Variants in ATAD3B observed in about 807,000 individuals in gnomAD.
The protein encoded by ATAD3B is ATPase family AAA domain-containing protein 3B.
ATAD3B carries 59 observed loss-of-function variants against 70.2 expected under a neutral mutation model. The ratio of observed to expected loss-of-function variants is 0.84; its 90% CI spans 0.68 to 1.04. ATAD3B has a LOEUF of 1.04. Ranked by LOEUF, ATAD3B falls within the 50% of genes least tolerant of loss-of-function variation. The pLI, the probability that ATAD3B is intolerant of heterozygous loss-of-function variation, is 0.00. For missense variants in ATAD3B, 961 were observed against 913.4 expected, an observed-to-expected ratio of 1.05 and a Z score of -0.67; for synonymous variants, 423 against 388.6, an observed-to-expected ratio of 1.09 and a Z score of -1.04.
the ATAD3B span, among the ~76,000 whole-genome samples, chr1:1,506,102 G>A: frequency 6.6e-6 from 1 of 152,096 alleles, no homozygotes; most frequent in Non-Finnish European, 1.5e-5. Context: ...GCATGGTGGT[G>A]TGTGCCTGTA....
At position 1,489,615 on chromosome 1, in the gene ATAD3B, C is replaced by T. The variant is rs1426394039; in HGVS notation, c.1337+341C>T. The T allele has an allele frequency of 3.3e-5, 42 of 1,290,074 alleles. 1 individual carries two copies. The highest frequency in any genetic ancestry group is 3.2e-4 in the South Asian group (25 of 78,920). 79.9% of individuals were successfully genotyped at this position (1,290,074 alleles called of 1,614,324 possible). A position where few individuals can be genotyped will look rare whatever the true frequency, so the allele number is the denominator to read the frequency against. On this transcript the variant is annotated intron_variant, in intron 13 of 15. Transcript: ENST00000673477. ...GCCCAGAGGTCCCCAGTAGGGTGAC[C>T]GGCCCTATGTCCAGGCTCCCTCTTC... is the stretch of plus-strand genomic sequence containing the variant.
At chr1:1,499,784 G>C (rs933974113), downstream of ATAD3B, among the ~76,000 whole-genome samples, 3 of 150,638 alleles carry the variant, frequency 2.0e-5, no homozygotes, top group South Asian at 2.1e-4. Flanking sequence ...AGTAGAGATG[G>C]GGTTTCACCA....
At chr1:1,508,027 G>C in the ATAD3B span, among the ~76,000 whole-genome samples, 1 of 152,200 alleles carries the variant, frequency 6.6e-6, no homozygotes, top group Admixed American at 6.5e-5. Context: ...GCTTCCCAGA[G>C]GGGTGGCCCC....
rs1173386705 is a variant in ATAD3B at position 1,482,583 on chromosome 1, T to G, written c.719T>G (p.Phe240Cys). Residue 240 changes from phenylalanine to cysteine, a missense_variant, in exon 7 of 16, where the codon TTT becomes TGT. Physicochemically the swap from Phe to Cys is radical, Grantham distance 205. Around this residue, in one of 4 missense-constraint regions of ATAD3B, gnomAD observed 349 missense variants for 307.5 expected, o/e 1.14. Coordinates refer to ENST00000673477, the MANE Select transcript of ATAD3B (RefSeq NM_031921.6). ...GTLFGEGFRA[F>C]VTDRDKVTAT... ...TTGTTTGGGGAAGGATTCCGTGCCTTTGTGACAGACCGGGACAAAGTGACA... is the reference window on the plus strand; with the variant it reads ...TTGTTTGGGGAAGGATTCCGTGCCTGTGTGACAGACCGGGACAAAGTGACA... 1 of 1,613,320 alleles carries G rather than the reference T, an allele frequency of 6.2e-7. No individual in the cohort carries two copies. The highest frequency in any genetic ancestry group is 8.5e-7 in the Non-Finnish European group (1 of 1,179,516).
chr1:1,495,016 G>C (rs1640710185), intron 15 of ATAD3B, among the ~76,000 whole-genome samples: 1 of 152,104 alleles, frequency 6.6e-6, no homozygotes, highest in African/African-American at 2.4e-5. Context: ...CTGTGCCCAG[G>C]AGGACAGGGA....
intron 2 of ATAD3B, chr1:1,478,306 G>A: frequency 7.8e-6 from 8 of 1,022,174 alleles, no homozygotes; most frequent in Non-Finnish European, 1.1e-5. Flanking sequence ...CCACTCAGCA[G>A]GATTCCTAGA....
chr1:1,496,936 T>G lies in ATAD3B; in HGVS notation c.*1119T>G, dbSNP rs2100609401. ...GGAAACCTTTGCTTTGGGGGCAGGG[T>G]GGGGTGCAGGGGTGGTTGGGGGAAT... is the stretch of plus-strand genomic sequence containing the variant. On this transcript the variant is annotated 3_prime_UTR_variant, in exon 16 of 16. Transcript: ENST00000673477. The G allele has an allele frequency of 1.4e-5, 2 of 138,298 alleles. No individual in the cohort carries two copies. Among genetic ancestry groups the G allele is most frequent in the Non-Finnish European group, 3.0e-5 (2 of 67,196 alleles). The allele number at this position is 138,298 out of a possible 1,614,324, so 8.6% of individuals were successfully genotyped here.
intron 1 of ATAD3B, among the ~76,000 whole-genome samples, chr1:1,476,083 G>T (rs1161506977): frequency 1.4e-5 from 2 of 140,206 alleles, no homozygotes; most frequent in Non-Finnish European, 3.0e-5. Context: ...CCCGAGTTTA[G>T]CAGCCAAACC....
the ATAD3B span, chr1:1,509,342 C>G: frequency 2.4e-5 from 39 of 1,611,148 alleles, 1 homozygote; most frequent in African/African-American, 4.1e-5. Context: ...ACGAGCAACC[C>G]TCATCCTGAG....
chr1:1,478,566 G>C, intron 2 of ATAD3B, 78 bp from the exon 3 acceptor site: 1 of 1,550,698 alleles, frequency 6.4e-7, no homozygotes, highest in Non-Finnish European at 8.7e-7. Flanking sequence ...CCGTGCCGGA[G>C]CTGTGCAGAC....
Position 1,490,526 on chromosome 1 carries a change from C to T in ATAD3B, c.1506-37C>T, listed in dbSNP as rs377059279. ...CCTCCACCTCATGGTGTGGGGTCCGCGGCCTTGGCTGCCTCACTTGGGAAC... is the reference window on the plus strand; with the variant it reads ...CCTCCACCTCATGGTGTGGGGTCCGTGGCCTTGGCTGCCTCACTTGGGAAC... On this transcript the variant is annotated intron_variant, in intron 14 of 15. Transcript: ENST00000673477. 62 of 1,610,874 alleles carry T rather than the reference C, an allele frequency of 3.8e-5. 2 individuals carry two copies. Among genetic ancestry groups the T allele is most frequent in the East Asian group, 3.1e-4 (14 of 44,796 alleles).
chr1:1,509,457 G>A, the ATAD3B span: 1,066 of 1,586,404 alleles, frequency 6.7e-4, 64 homozygotes, highest in African/African-American at 0.013. Context: ...AAAGTCCCAC[G>A]GGGGCCGCAC....
chr1:1,491,898 G>A (rs1161707760), intron 15 of ATAD3B, among the ~76,000 whole-genome samples: 15 of 151,906 alleles, frequency 9.9e-5, no homozygotes, highest in Non-Finnish European at 1.9e-4. Context: ...CTCAGAAAGT[G>A]GAGGCTGGGT....
chr1:1,480,099 G>A (rs570365827), intron 4 of ATAD3B, among the ~76,000 whole-genome samples: 6 of 141,226 alleles, frequency 4.2e-5, no homozygotes, highest in East Asian at 4.4e-4. Context: ...GCACACCGCC[G>A]CAAACACACA....
chr1:1,490,887 G>C lies in ATAD3B; in HGVS notation c.1614+216G>C, dbSNP rs931665324. On this transcript the variant is annotated intron_variant, in intron 15 of 15. Coordinates refer to ENST00000673477, the MANE Select transcript of ATAD3B (RefSeq NM_031921.6). ...CCCTCAGGAGGGTGGGGCCATGTTG[G>C]TTGCTGACAGTCACACGGGGCTCTC... is the stretch of plus-strand genomic sequence containing the variant. Among the ~76,000 whole-genome samples the C allele has an allele frequency of 3.3e-5, 5 of 152,056 alleles. 1 individual carries two copies. The highest frequency in any genetic ancestry group is 6.6e-5 in the Admixed American group (1 of 15,246).
downstream of ATAD3B, among the ~76,000 whole-genome samples, chr1:1,500,101 T>C (rs1640912438): frequency 6.7e-6 from 1 of 149,824 alleles, no homozygotes; most frequent in African/African-American, 2.5e-5. Flanking sequence ...TTTCACCATG[T>C]TACCAAGGCT....
chr1:1,482,621 A>T lies in ATAD3B; in HGVS notation c.750+7A>T. ...GGACAAAGTGACAGCCACGGTAAAC[A>T]TATTCATAAAACAGGGCTGGCAGGT... On this transcript the variant is annotated splice_region_variant and intron_variant, in intron 7 of 15. Coordinates refer to ENST00000673477, the MANE Select transcript of ATAD3B (RefSeq NM_031921.6). 1 of 1,613,358 alleles carries T rather than the reference A, an allele frequency of 6.2e-7. No homozygotes were observed. The highest frequency in any genetic ancestry group is 8.5e-7 in the Non-Finnish European group (1 of 1,179,574).
In ATAD3B at chr1:1,472,066, C is replaced by G. The variant is rs1157198495; in HGVS notation, c.182C>G (p.Ala61Gly). Residue 61 changes from alanine to glycine, a missense_variant, in exon 1 of 16, where the codon GCG (alanine) becomes GGG (glycine). Around this residue, in one of 4 missense-constraint regions of ATAD3B, gnomAD observed 187 missense variants for 244.3 expected, o/e 0.77. Coordinates refer to ENST00000673477, the MANE Select transcript of ATAD3B (RefSeq NM_031921.6). ...ACCGGCCTGGAGCGCGCCGCCAAGG[C>G]GGCGCGCGAGCTGGAGCACTCGCGT... ...DPTGLERAAK[A>G]ARELEHSRYA... 1.7e-6 allele frequency: 2 copies of G among 1,188,894 alleles called. No homozygotes were observed. Among genetic ancestry groups the G allele is most frequent in the Non-Finnish European group, 2.1e-6 (2 of 961,904 alleles). The allele number at this position is 1,188,894 out of a possible 1,614,324, so 73.6% of individuals were successfully genotyped here. A position where few individuals can be genotyped will look rare whatever the true frequency, so the allele number is the denominator to read the frequency against.
chr1:1,500,009 T>A (rs1351493717), downstream of ATAD3B, among the ~76,000 whole-genome samples: 1 of 151,612 alleles, frequency 6.6e-6, no homozygotes, highest in African/African-American at 2.4e-5. Context: ...GCCATTCTCT[T>A]GCCTCAGCCT....
Sources: gnomAD v4.1 joint callset for allele counts (sites outside exome capture counted in the v4.1 genomes callset) on GRCh38, gnomAD v4.1.1 for gene constraint, gnomAD v4.1.1 regional missense constraint, MANE v1.5 for transcripts, NCBI Gene and HGNC (gene_info 2026-07-23, HGNC 2026-07-21) for gene names.